PLS3: variants seen among roughly 807,000 people sequenced by gnomAD.
PLS3 encodes the protein plastin 3.
In PLS3, 11 loss-of-function variants were observed where a neutral mutation model predicts 46.5. That is an observed-to-expected ratio of 0.24 (90% confidence interval 0.15 to 0.39). PLS3 has a LOEUF of 0.39. Ranked by LOEUF, PLS3 falls within the 10% of genes least tolerant of loss-of-function variation. The pLI is 1.00. For missense variants in PLS3, 308 were observed against 461.8 expected (o/e 0.67, Z 3.05); for synonymous variants, 167 against 162.2 (o/e 1.03, Z -0.22).
intron 1 of PLS3, among the ~76,000 whole-genome samples, chrX:115,563,910 T>A (rs2074155707): frequency 8.9e-6 from 1 of 112,129 alleles, no homozygotes; most frequent in South Asian, 3.7e-4. Context: ...AATAAATGTT[T>A]AACCTCAAAA....
intron 1 of PLS3, among the ~76,000 whole-genome samples, chrX:115,569,771 TG>T (rs1323734725): frequency 9.0e-6 from 1 of 111,475 alleles, no homozygotes; most frequent in Non-Finnish European, 1.9e-5. Context: ...TTTATTGGTC[TG>T]GGAATTCTAT....
At chrX:115,622,561 T>C (rs368570650) in intron 3 of PLS3, 152 bp downstream of exon 3, 54 of 365,843 alleles carry the variant, frequency 1.5e-4, no homozygotes, top group African/African-American at 1.2e-3. Context: ...CTAAATGTAC[T>C]TCTTTTAGCT....
chrX:115,647,421 G>A (rs1180818081), intron 13 of PLS3, 129 bp from the exon 14 acceptor site: 11 of 646,348 alleles, frequency 1.7e-5, no homozygotes, highest in South Asian at 1.3e-4. Context: ...GCGACAGAGC[G>A]AGACTCCGTC....
At chrX:115,607,829 C>G (rs892436183) in intron 1 of PLS3, among the ~76,000 whole-genome samples, 45 of 111,749 alleles carry the variant, frequency 4.0e-4, no homozygotes, top group African/African-American at 1.5e-3. Flanking sequence ...TTTTAAAACA[C>G]CAGTCACTGT....
intron 1 of PLS3, among the ~76,000 whole-genome samples, chrX:115,567,709 C>CTTTTTTTT (rs782653479): frequency 1.2e-5 from 1 of 81,949 alleles, no homozygotes. Flanking sequence ...TTTTCTTCTT[C>CTTTTTTTT]TTTTTTTTTT....
intron 9 of PLS3, among the ~76,000 whole-genome samples, chrX:115,642,357 T>A (rs908575815): frequency 2.7e-5 from 3 of 111,485 alleles, no homozygotes; most frequent in African/African-American, 6.5e-5. Context: ...TCAAAAGAAA[T>A]CAGTGGAAAT....
At chrX:115,634,803 T>C in intron 6 of PLS3, 78 bp from the exon 7 acceptor site, 1 of 919,364 alleles carries the variant, frequency 1.1e-6, no homozygotes, top group Middle Eastern at 2.8e-4. Flanking sequence ...TTGAATGTTA[T>C]TTTCAGTGAA....
Position 115,610,193 on chromosome X carries a change from A to G in PLS3, c.-8-50A>G. ...AGATGAGAACTTAGCAAGAGTGCTT[A>G]TATTTATCACAATTTTTTAAAGTCT... is the stretch of plus-strand genomic sequence containing the variant. On this transcript the variant is annotated intron_variant, in intron 1 of 15. Coordinates refer to ENST00000355899, the MANE Select transcript of PLS3 (RefSeq NM_005032.7). 4 of 628,565 alleles carry G rather than the reference A, an allele frequency of 6.4e-6. No homozygotes were observed. The South Asian group carries it at 1.3e-4, about 20-fold the overall frequency. The allele number at this position is 628,565 out of a possible 1,213,427, so 51.8% of individuals were successfully genotyped here. A position where few individuals can be genotyped will look rare whatever the true frequency, so the allele number is the denominator to read the frequency against.
chrX:115,635,550 C>T (rs1433755907), intron 7 of PLS3, among the ~76,000 whole-genome samples: 2 of 102,693 alleles, frequency 1.9e-5, no homozygotes, highest in African/African-American at 3.7e-5. Flanking sequence ...TCTCCGGAGG[C>T]TGAGGCAGGA....
intron 5 of PLS3, among the ~76,000 whole-genome samples, chrX:115,631,891 C>T (rs1407724694): frequency 9.0e-6 from 1 of 111,177 alleles, no homozygotes; most frequent in African/African-American, 3.3e-5. Context: ...GCATCCTCCA[C>T]CTCCCAGTTT....
At chrX:115,644,618 A>AT (rs2074932714) in intron 10 of PLS3, among the ~76,000 whole-genome samples, 1 of 109,598 alleles carries the variant, frequency 9.1e-6, no homozygotes, top group African/African-American at 3.3e-5. Flanking sequence ...AAATAAATAA[A>AT]TAAATAAATA....
At chrX:115,590,962 TC>T (rs2074341018) in intron 1 of PLS3, among the ~76,000 whole-genome samples, 1 of 105,824 alleles carries the variant, frequency 9.4e-6, no homozygotes, top group Non-Finnish European at 1.9e-5. Context: ...CACGGTGAAA[TC>T]CCGTCTCTAC....
intron 1 of PLS3, among the ~76,000 whole-genome samples, chrX:115,572,816 G>A (rs1372496351): frequency 2.7e-5 from 3 of 110,981 alleles, no homozygotes; most frequent in Non-Finnish European, 5.7e-5. Flanking sequence ...AATTTAGACC[G>A]TGCCCGGTGG....
chrX:115,640,017 T>C (rs1603244444), intron 8 of PLS3: 1 of 603,549 alleles, frequency 1.7e-6, no homozygotes, highest in African/African-American at 2.2e-5. Flanking sequence ...GCATTGTGCT[T>C]TGTAATGATA....
chrX:115,611,732 T>A (rs2074550333), intron 2 of PLS3, among the ~76,000 whole-genome samples: 1 of 111,695 alleles, frequency 9.0e-6, no homozygotes, highest in Non-Finnish European at 1.9e-5. Flanking sequence ...TTAAAGTTAA[T>A]TCAGATATTG....
chrX:115,574,583 C>CTT, intron 1 of PLS3, among the ~76,000 whole-genome samples: 1 of 104,888 alleles, frequency 9.5e-6, no homozygotes, highest in African/African-American at 3.4e-5. Context: ...TAATATCATA[C>CTT]TTTTTTTTTT....
intron 1 of PLS3, among the ~76,000 whole-genome samples, chrX:115,587,353 C>T (rs1556632580): frequency 8.9e-6 from 1 of 112,421 alleles, no homozygotes; most frequent in African/African-American, 3.2e-5. Context: ...TAAAGTATTT[C>T]TGCTGCATAT....
chrX:115,606,326 C>T (rs1424399067), intron 1 of PLS3, among the ~76,000 whole-genome samples: 1 of 108,077 alleles, frequency 9.3e-6, no homozygotes, highest in Non-Finnish European at 1.9e-5. Context: ...TTGGTAGAGA[C>T]AGGGTTTCAC....
At chrX:115,589,456 G>A (rs1007229340) in intron 1 of PLS3, among the ~76,000 whole-genome samples, 18 of 111,877 alleles carry the variant, frequency 1.6e-4, no homozygotes, top group Non-Finnish European at 3.2e-4. Context: ...GTAGTTTCTT[G>A]AATGTAAACT....
Sources: allele counts gnomAD v4.1 joint callset (sites outside exome capture counted in the v4.1 genomes callset), GRCh38; gene constraint gnomAD v4.1.1; transcripts MANE v1.5; gene names NCBI Gene and HGNC (gene_info 2026-07-23, HGNC 2026-07-21).